Variants in TNRC6C observed in about 807,000 individuals in gnomAD.
TNRC6C encodes the protein trinucleotide repeat containing adaptor 6C.
TNRC6C carries 20 observed loss-of-function variants against 153.7 expected under a neutral mutation model. The observed-to-expected ratio is 0.13, with a 90% CI of 0.09 to 0.19. The LOEUF is 0.19. TNRC6C is among the 10% of genes least tolerant of loss of function. TNRC6C has a pLI of 1.00. For synonymous variants in TNRC6C, 811 were observed against 841.4 expected, an observed-to-expected ratio of 0.96 and a Z score of 0.63; for missense variants, 1,987 against 2,172.0, an observed-to-expected ratio of 0.91 and a Z score of 1.69.
At chr17:77,981,691 A>G (rs1006612760) in intron 1 of TNRC6C, among the ~76,000 whole-genome samples, 3 of 152,228 alleles carry the variant, frequency 2.0e-5, no homozygotes, top group African/African-American at 7.2e-5. Flanking sequence ...CAAAGACAGC[A>G]AACTTCAACC....
In TNRC6C at chr17:78,104,590, G is replaced by A. The variant is rs1229637220; in HGVS notation, c.4818G>A (p.Gln1606=). ...CGCTGCCACCCACTTCCAGCTGGCA[G>A]TCCAGCAGCGCGTCCAGCCAGCCGC... The change falls in exon 20 of 20, where the codon CAG becomes CAA. Residue 1606 remains glutamine (Q), a synonymous_variant. Coordinates refer to ENST00000301624, the Ensembl canonical transcript of TNRC6C. The surrounding 1 kb of genome is among the most constrained non-coding windows in gnomAD (Gnocchi z 6.2). 1 of 1,554,756 alleles carries A rather than the reference G, an allele frequency of 6.4e-7. No individual in the cohort carries two copies.
intron 1 of TNRC6C, among the ~76,000 whole-genome samples, chr17:77,982,213 G>T (rs2071088730): frequency 6.6e-6 from 1 of 152,096 alleles, no homozygotes; most frequent in South Asian, 2.1e-4. Flanking sequence ...AATGTTTGTT[G>T]TGTGAGCCAC....
At chr17:78,103,630 G>A (rs1351065863) in intron 19 of TNRC6C, 77 bp downstream of exon 22, 1 of 1,578,342 alleles carries the variant, frequency 6.3e-7, no homozygotes, top group African/African-American at 1.4e-5. Context: ...GGTGTTGCAG[G>A]GGTGTCCTGA....
chr17:78,088,044 G>A (rs1329972835), intron 13 of TNRC6C, among the ~76,000 whole-genome samples: 1 of 152,192 alleles, frequency 6.6e-6, no homozygotes, highest in African/African-American at 2.4e-5. Flanking sequence ...AAATACATCT[G>A]TAAAGGGGCA....
upstream of TNRC6C, among the ~76,000 whole-genome samples, chr17:78,002,661 G>T (rs997141326): frequency 1.3e-5 from 2 of 152,194 alleles, no homozygotes; most frequent in Non-Finnish European, 2.9e-5. Context: ...GGGAGGCTGA[G>T]GTGGGAGGAT....
At chr17:77,987,679 TG>T (rs2143037979) in intron 1 of TNRC6C, among the ~76,000 whole-genome samples, 1 of 152,238 alleles carries the variant, frequency 6.6e-6, no homozygotes, top group South Asian at 2.1e-4. Flanking sequence ...TTTTGTTGTT[TG>T]TTTGTTTTTT....
chr17:78,050,024 G>A (rs1043292333), exon 3 of TNRC6C: 3 of 1,613,342 alleles, frequency 1.9e-6, no homozygotes, highest in Non-Finnish European at 1.7e-6. Flanking sequence ...AATGGCGTTG[G>A]TAATATCCAT....
rs2073654842 is a variant in TNRC6C, at chr17:78,104,535, A to T, written c.4763A>T (p.Glu1588Val). Reference sequence around the variant, plus strand: ...CTGGCCGAGTTCGCTGGTGAAGAAGAAGTGAATCGCTTCTTAGCCCAAGGC... The same window carrying T: ...CTGGCCGAGTTCGCTGGTGAAGAAGTAGTGAATCGCTTCTTAGCCCAAGGC... The change falls in exon 20 of 20, where the codon GAA becomes GTA. Residue 1588 changes from glutamate (E) to valine (V), a missense_variant. Physicochemically the swap from Glu to Val is moderately radical, Grantham distance 121 (BLOSUM62 -2). Around this residue, in one of 4 missense-constraint regions of TNRC6C, gnomAD observed 31 missense variants for 97.9 expected, o/e 0.32. Coordinates refer to ENST00000301624, the Ensembl canonical transcript of TNRC6C. The surrounding 1 kb of genome is among the most constrained non-coding windows in gnomAD (Gnocchi z 6.2). The T allele has an allele frequency of 6.5e-7, 1 of 1,541,398 alleles. No individual in the cohort carries two copies. The highest frequency in any genetic ancestry group is 1.2e-5 in the South Asian group (1 of 82,864).
At chr17:78,094,631 G>T (rs1307859190) in intron 16 of TNRC6C, among the ~76,000 whole-genome samples, 1 of 151,936 alleles carries the variant, frequency 6.6e-6, no homozygotes, top group Non-Finnish European at 1.5e-5. Context: ...GTAGAGATGG[G>T]GTTTCACCAT....
intron 1 of TNRC6C, among the ~76,000 whole-genome samples, chr17:77,963,101 A>G (rs905386674): frequency 6.6e-6 from 1 of 152,248 alleles, no homozygotes; most frequent in African/African-American, 2.4e-5. Context: ...ATGATATACA[A>G]TAAGCTTTCT....
intron 17 of TNRC6C, among the ~76,000 whole-genome samples, chr17:78,100,160 G>A (rs1315600705): frequency 2.6e-5 from 4 of 152,210 alleles, no homozygotes; most frequent in African/African-American, 2.4e-5. Context: ...CCAGGCACAC[G>A]GTGCAAGCTG....
Position 78,051,497 on chromosome 17 carries a change from A to G in TNRC6C, c.2395+40A>G, listed in dbSNP as rs1567939114. On this transcript the variant is annotated intron_variant, in intron 3 of 19. Transcript: ENST00000301624. ...TTTACAAGTAAAAAAAAAAAAAAAA[A>G]AGCTTATTCTCATTATATATTCATG... 22 of 1,331,382 alleles carry G rather than the reference A, an allele frequency of 1.7e-5. No homozygotes were observed. In the East Asian group the frequency reaches 5.5e-4, roughly 33 times the overall value. The allele number at this position is 1,331,382 out of a possible 1,614,324, so 82.5% of individuals were successfully genotyped here. A position where few individuals can be genotyped will look rare whatever the true frequency, so the allele number is the denominator to read the frequency against.
chr17:78,067,544 C>T (rs936407697), intron 4 of TNRC6C, among the ~76,000 whole-genome samples: 2 of 152,062 alleles, frequency 1.3e-5, no homozygotes, highest in African/African-American at 2.4e-5. Context: ...GTACAAATAG[C>T]TGATGTTTGA....
chr17:78,071,220 C>G, intron 6 of TNRC6C, 55 bp downstream of exon 8: 1 of 1,511,542 alleles, frequency 6.6e-7, no homozygotes, highest in Non-Finnish European at 9.0e-7. Flanking sequence ...ATGAAATGCC[C>G]TCATTGTTTC....
chr17:77,984,263 G>A (rs919759473), intron 1 of TNRC6C, among the ~76,000 whole-genome samples: 1 of 151,492 alleles, frequency 6.6e-6, no homozygotes, highest in Non-Finnish European at 1.5e-5. Context: ...GCTCACGCCT[G>A]TAATCCCAGC....
chr17:77,959,530 G>A (rs2070843208), intron 1 of TNRC6C, among the ~76,000 whole-genome samples: 1 of 152,310 alleles, frequency 6.6e-6, no homozygotes, highest in Non-Finnish European at 1.5e-5. Flanking sequence ...GAGGGCTGAA[G>A]ATGGATGTGC....
At chr17:77,962,076 C>T (rs1253639018) in intron 1 of TNRC6C, among the ~76,000 whole-genome samples, 1 of 152,122 alleles carries the variant, frequency 6.6e-6, no homozygotes, top group Admixed American at 6.6e-5. Context: ...ACCTCTCCAA[C>T]CCCAATTGAA....
rs116072094 is a variant in TNRC6C, at chr17:77,993,110, C to T, written c.-37-11060C>T. The stretch of plus-strand genomic sequence containing the variant: ...CTTCCTGAGTAGCTGGGATTACACC[C>T]GCCATCATGCCCAGCTAATTTTTGT... On this transcript the variant is annotated intron_variant, in intron 1 of 22. Transcript: ENST00000636222. 9.0e-3 allele frequency among the ~76,000 whole-genome samples: 1,365 copies of T among 152,236 alleles called. 20 individuals are homozygous for T. The highest frequency in any genetic ancestry group is 0.03 in the African/African-American group (1,256 of 41,522).
At chr17:77,976,945 A>G in intron 1 of TNRC6C, among the ~76,000 whole-genome samples, 1 of 150,548 alleles carries the variant, frequency 6.6e-6, no homozygotes, top group Non-Finnish European at 1.5e-5. Flanking sequence ...AAAAAAAAAA[A>G]AAAAAAAAAA....
Sources: gnomAD v4.1 joint callset for allele counts (sites outside exome capture counted in the v4.1 genomes callset) on GRCh38, gnomAD v4.1.1 for gene constraint, gnomAD v4.1.1 regional missense constraint, Gnocchi (gnomAD v3.1) non-coding constraint, MANE v1.5 for transcripts, NCBI Gene and HGNC (gene_info 2026-07-23, HGNC 2026-07-21) for gene names.